TTC13: variants seen among roughly 807,000 people sequenced by gnomAD.
TTC13 encodes the protein tetratricopeptide repeat protein 13.
In TTC13, 62 loss-of-function variants were observed where a neutral mutation model predicts 120.0. That is an observed-to-expected ratio of 0.52 (90% CI 0.42 to 0.64). TTC13 has a LOEUF of 0.64. Ranked by LOEUF, TTC13 falls within the 30% of genes least tolerant of loss-of-function variation. The pLI is 0.00. For missense variants in TTC13, 824 were observed against 1,050.2 expected, an observed-to-expected ratio of 0.78 and a Z score of 2.98; for synonymous variants, 384 against 393.5, an observed-to-expected ratio of 0.98 and a Z score of 0.28.
Position 230,978,507 on chromosome 1 carries a change from C to G in TTC13, c.271+53G>C. 1 of 548,288 alleles carries G rather than the reference C, an allele frequency of 1.8e-6. No homozygotes were observed. The highest frequency in any genetic ancestry group is 2.7e-6 in the Non-Finnish European group (1 of 366,442). The allele number at this position is 548,288 out of a possible 1,614,324, so 34.0% of individuals were successfully genotyped here. On this transcript the variant is annotated intron_variant, in intron 1 of 22. Coordinates refer to ENST00000366661, the MANE Select transcript of TTC13 (RefSeq NM_024525.5). The surrounding 1 kb of genome is among the most constrained non-coding windows in gnomAD (Gnocchi z 5.6). ...CCCGTACCCCGGCCCGGGACCCCAG[C>G]CCCGCTGCCCCGCCGCCCCGGCCGA... is the stretch of plus-strand genomic sequence containing the variant.
chr1:230,941,838 A>G (rs1674558479), intron 6 of TTC13, among the ~76,000 whole-genome samples: 1 of 152,216 alleles, frequency 6.6e-6, no homozygotes, highest in African/African-American at 2.4e-5. Flanking sequence ...CCCTAGGTAC[A>G]TAACTGAATT....
chr1:230,938,790 AAT>A (rs1674303472), intron 8 of TTC13, among the ~76,000 whole-genome samples: 1 of 152,162 alleles, frequency 6.6e-6, no homozygotes, highest in Non-Finnish European at 1.5e-5. Flanking sequence ...GGCAACCTAG[AAT>A]TTATAGATCC....
chr1:230,973,609 A>G (rs1480134784), intron 1 of TTC13, among the ~76,000 whole-genome samples: 1 of 152,246 alleles, frequency 6.6e-6, no homozygotes, highest in Non-Finnish European at 1.5e-5. Context: ...ACACAAACTC[A>G]CTGTTCTTGT....
chr1:230,941,482 T>G (rs1199616582), intron 6 of TTC13, among the ~76,000 whole-genome samples: 3 of 152,170 alleles, frequency 2.0e-5, no homozygotes, highest in Non-Finnish European at 4.4e-5. Flanking sequence ...TAAAATTTTT[T>G]GCAGAGGTAG....
At chr1:230,973,067 T>G (rs770660602) in intron 1 of TTC13, among the ~76,000 whole-genome samples, 2 of 152,176 alleles carry the variant, frequency 1.3e-5, no homozygotes, top group Non-Finnish European at 2.9e-5. Context: ...AAACTATGTA[T>G]GATGACAAAC....
chr1:230,958,337 A>G, intron 2 of TTC13, 38 bp from the exon 3 acceptor site: 1 of 1,562,940 alleles, frequency 6.4e-7, no homozygotes, highest in Non-Finnish European at 8.6e-7. Context: ...CATTTTAGCT[A>G]TCACAAATGA....
At chr1:230,930,951 A>G (rs12093178) in intron 11 of TTC13, among the ~76,000 whole-genome samples, 8,098 of 152,184 alleles carry the variant, frequency 0.053, 398 homozygotes, top group African/African-American at 0.13. Context: ...AACCTCACAG[A>G]ATGTCAGTTT....
rs576072177 is a variant in TTC13, at chr1:230,954,243, A to G, written c.513+90T>C. On this transcript the variant is annotated intron_variant, in intron 4 of 22. Transcript: ENST00000366661. ...TCACTTTCTTGTATAATTTAAAAAC[A>G]TGTCGTATTACAGCACTTCAGCTGT... 22 of 870,374 alleles carry G rather than the reference A, an allele frequency of 2.5e-5. No homozygotes were observed. The East Asian group carries it at 5.2e-4, about 21-fold the overall frequency. The allele number at this position is 870,374 out of a possible 1,614,324, so 53.9% of individuals were successfully genotyped here. A position where few individuals can be genotyped will look rare whatever the true frequency, so the allele number is the denominator to read the frequency against.
intron 20 of TTC13, among the ~76,000 whole-genome samples, chr1:230,909,804 G>C (rs1420122437): frequency 6.6e-6 from 1 of 152,208 alleles, no homozygotes. Flanking sequence ...GGGATTGTGG[G>C]GTACCTTTGC....
intron 3 of TTC13, among the ~76,000 whole-genome samples, chr1:230,955,010 C>G (rs141923836): frequency 1.5e-4 from 23 of 152,226 alleles, no homozygotes; most frequent in Middle Eastern, 3.4e-3. Flanking sequence ...AAAGATGAAC[C>G]ACTTTGTATC....
intron 3 of TTC13, among the ~76,000 whole-genome samples, 183 bp downstream of exon 3, chr1:230,958,039 CTT>C (rs59207624): frequency 6.6e-6 from 1 of 150,722 alleles, no homozygotes; most frequent in African/African-American, 2.4e-5. Flanking sequence ...CCATCCAAAC[CTT>C]TTTTTTTTCT....
rs748001294 is a variant in TTC13 at position 230,929,074 on chromosome 1, A to G, written c.1320T>C (p.His440=). The G allele has an allele frequency of 2.7e-5, 43 of 1,613,972 alleles. No homozygotes were observed. Among genetic ancestry groups the G allele is most frequent in the Admixed American group, 1.2e-4 (7 of 59,988 alleles). ...KYLREYSRYL[H]AHLDTPLTEY... ...CCGTAAGGGGGGTATCAAGGTGTGC[A>G]TGAAGATATCGAGAATACTCTGCAG... The change falls in exon 12 of 23, where the codon CAT becomes CAC. Residue 440 remains histidine (H), a synonymous_variant. Coordinates refer to ENST00000366661, the MANE Select transcript of TTC13 (RefSeq NM_024525.5).
intron 16 of TTC13, 42 bp from the exon 17 acceptor site, chr1:230,920,636 A>G (rs375270920): frequency 1.7e-6 from 2 of 1,188,480 alleles, no homozygotes; most frequent in Non-Finnish European, 2.3e-6. Flanking sequence ...AGATTAATGC[A>G]GAATTGTAAT....
At chr1:230,909,396 C>T (rs915254501) in intron 20 of TTC13, among the ~76,000 whole-genome samples, 2 of 151,986 alleles carry the variant, frequency 1.3e-5, no homozygotes, top group Admixed American at 6.6e-5. Context: ...TTTGGGAGGC[C>T]GAGGTGGGTG....
chr1:230,977,764 A>G (rs1007196294), intron 1 of TTC13, among the ~76,000 whole-genome samples: 1 of 151,630 alleles, frequency 6.6e-6, no homozygotes, highest in South Asian at 2.1e-4. Context: ...GGGTAAAAAG[A>G]CCCACGACAG....
At position 230,978,796 on chromosome 1, in the gene TTC13, A is replaced by C. The variant is rs1275201234; in HGVS notation, c.35T>G (p.Phe12Cys). 6.7e-7 allele frequency: 1 copy of C among 1,494,018 alleles called. No individual in the cohort carries two copies. 92.5% of individuals were successfully genotyped at this position (1,494,018 alleles called of 1,614,324 possible). A position where few individuals can be genotyped will look rare whatever the true frequency, so the allele number is the denominator to read the frequency against. The change falls in exon 1 of 23, where the codon TTC becomes TGC. Residue 12 changes from phenylalanine (F) to cysteine (C), a missense_variant. Phe to Cys is a radical substitution (Grantham distance 205). Coordinates refer to ENST00000366661, the MANE Select transcript of TTC13 (RefSeq NM_024525.5). This position sits in a 1 kb window ranked among gnomAD's most constrained non-coding sequence, Gnocchi z 5.6. ...CGCGGCGGCCACAGCGCCGCCCCAG[A>C]AGCAGCAGCAGCAGCAGCAGCCGGC... ...APAGCCCCCC[F>C]WGGAVAAAGA...
intron 1 of TTC13, among the ~76,000 whole-genome samples, chr1:230,972,226 T>C (rs1213834753): frequency 1.3e-5 from 2 of 152,216 alleles, no homozygotes; most frequent in Non-Finnish European, 2.9e-5. Flanking sequence ...CAAATGAAAC[T>C]AGGGTTAGCA....
chr1:230,963,635 A>AAAATAAATAAAT (rs145205225), intron 1 of TTC13, among the ~76,000 whole-genome samples: 6,078 of 146,098 alleles, frequency 0.042, 353 homozygotes, highest in African/African-American at 0.14. Flanking sequence ...ACCCTGTCTC[A>AAAATAAATAAAT]AAATAAATAA....
In TTC13 at chr1:230,923,874, C is replaced by T; in HGVS notation, c.1781G>A (p.Ser594Asn). 1 of 1,614,030 alleles carries T rather than the reference C, an allele frequency of 6.2e-7. No individual in the cohort carries two copies. Among genetic ancestry groups the T allele is most frequent in the South Asian group, 1.1e-5 (1 of 91,064 alleles). ...WLDQMPARSL[S>N]RGFNNHINLI... Reference sequence around the variant, plus strand: ...ATTAATGTGGTTGTTAAAACCTCTGCTAAGACTTCGTGCTGGCATTTGATC... The same window carrying T: ...ATTAATGTGGTTGTTAAAACCTCTGTTAAGACTTCGTGCTGGCATTTGATC... Residue 594 changes from serine (S) to asparagine (N), a missense_variant, in exon 15 of 23, where the codon AGC becomes AAC. By Grantham distance (46) the Ser-to-Asn change is conservative (BLOSUM62 1). Coordinates refer to ENST00000366661, the MANE Select transcript of TTC13 (RefSeq NM_024525.5).
Sources: allele counts gnomAD v4.1 joint callset (sites outside exome capture counted in the v4.1 genomes callset), GRCh38; gene constraint gnomAD v4.1.1; non-coding constraint Gnocchi (gnomAD v3.1); transcripts MANE v1.5; gene names NCBI Gene and HGNC (gene_info 2026-07-23, HGNC 2026-07-21).